The following RAD51B variants were observed in gnomAD, a reference collection of about 807,000 sequenced individuals.
RAD51B encodes the protein RAD51 paralog B.
A neutral mutation model predicts 42.2 loss-of-function variants in RAD51B; 38 were observed. That is an observed-to-expected ratio of 0.90 (90% CI 0.70 to 1.18). The LOEUF is 1.18. Ranked by LOEUF, RAD51B falls within the 50% of genes most tolerant of loss-of-function variation. RAD51B has a pLI of 0.00. For missense variants in RAD51B, 373 were observed against 400.7 expected (o/e 0.93, Z 0.59); for synonymous variants, 154 against 145.2 (o/e 1.06, Z -0.43).
intron 10 of RAD51B, among the ~76,000 whole-genome samples, chr14:68,477,405 T>C (rs1882737720): frequency 6.6e-6 from 1 of 152,118 alleles, no homozygotes; most frequent in Non-Finnish European, 1.5e-5. Flanking sequence ...TCCCACCCAG[T>C]GCAGCGACAC....
chr14:68,205,746 G>A (rs376121462), intron 7 of RAD51B, among the ~76,000 whole-genome samples: 6 of 151,542 alleles, frequency 4.0e-5, no homozygotes, highest in Admixed American at 6.6e-5. Flanking sequence ...TAATTTACTC[G>A]ATCTACATAT....
At chr14:67,966,058 C>T (rs1455116207) in intron 7 of RAD51B, among the ~76,000 whole-genome samples, 1 of 152,166 alleles carries the variant, frequency 6.6e-6, no homozygotes, top group Non-Finnish European at 1.5e-5. Context: ...TTAGCATTTA[C>T]TTTTATAGCT....
Position 67,865,096 on chromosome 14 carries a change from G to T in RAD51B, c.409G>T (p.Ala137Ser). The T allele has an allele frequency of 6.2e-7, 1 of 1,604,606 alleles. No individual in the cohort carries two copies. ...CACCAACATGGGAGGATTAGAAGGA[G>T]CTGTGGTGTACATTGACACAGAGTC... ...LPTNMGGLEG[A>S]VVYIDTESAF... is the part of the protein sequence containing the mutation. Residue 137 changes from alanine (A) to serine (S), a missense_variant, in exon 5 of 11, where the codon GCT becomes TCT. Transcript: ENST00000471583.
intron 10 of RAD51B, among the ~76,000 whole-genome samples, chr14:68,556,933 A>C (rs1888878313): frequency 6.6e-6 from 1 of 151,938 alleles, no homozygotes; most frequent in African/African-American, 2.4e-5. Flanking sequence ...CTCACACCTC[A>C]TTCCATGGCA....
chr14:67,823,472 T>A, intron 1 of RAD51B, 70 bp from the exon 2 acceptor site: 8 of 1,308,110 alleles, frequency 6.1e-6, no homozygotes, highest in Non-Finnish European at 8.7e-6. Context: ...TTGGATAGCC[T>A]ATTCACTATC....
At chr14:68,070,927 T>A (rs1487132512) in intron 7 of RAD51B, among the ~76,000 whole-genome samples, 1 of 152,208 alleles carries the variant, frequency 6.6e-6, no homozygotes, top group Non-Finnish European at 1.5e-5. Context: ...TGGAATGTTT[T>A]TCCATTTGTT....
chr14:68,489,567 C>G (rs1014063407), intron 10 of RAD51B, among the ~76,000 whole-genome samples: 4 of 152,144 alleles, frequency 2.6e-5, no homozygotes, highest in Non-Finnish European at 4.4e-5. Flanking sequence ...TTTTTTACCC[C>G]CTAAAGGCTT....
downstream of RAD51B, among the ~76,000 whole-genome samples, chr14:68,612,974 T>TG (rs1566955263): frequency 3.1e-3 from 474 of 151,918 alleles, 3 homozygotes; most frequent in African/African-American, 0.011. Flanking sequence ...AGAGGTGTGT[T>TG]TGTGTGTGTG....
intron 7 of RAD51B, among the ~76,000 whole-genome samples, chr14:68,037,285 G>A (rs1009289275): frequency 6.9e-5 from 10 of 145,830 alleles, no homozygotes; most frequent in Non-Finnish European, 9.0e-5. Context: ...GCAGTGGCAC[G>A]CTCTCGCTCA....
intron 11 of RAD51B, among the ~76,000 whole-genome samples, chr14:68,674,409 G>A (rs890951025): frequency 1.3e-5 from 2 of 151,856 alleles, no homozygotes; most frequent in Non-Finnish European, 2.9e-5. Flanking sequence ...GTATTCTAAT[G>A]TATCATACAT....
At chr14:68,401,709 C>A (rs368741973) in intron 8 of RAD51B, among the ~76,000 whole-genome samples, 28 of 152,232 alleles carry the variant, frequency 1.8e-4, no homozygotes, top group African/African-American at 6.5e-4. Context: ...CAAATGCCTT[C>A]CTCGGTGGGT....
chr14:67,966,448 T>C (rs368077564), intron 7 of RAD51B, among the ~76,000 whole-genome samples: 2 of 152,230 alleles, frequency 1.3e-5, no homozygotes, highest in Non-Finnish European at 2.9e-5. Flanking sequence ...AAAAAATTAG[T>C]TCTTACTATA....
intron 7 of RAD51B, among the ~76,000 whole-genome samples, chr14:68,151,840 T>C (rs1280201013): frequency 3.5e-5 from 4 of 113,448 alleles, no homozygotes; most frequent in African/African-American, 1.4e-4. Flanking sequence ...TTTTTTTTTT[T>C]TTTTTTTTTT....
chr14:67,858,867 A>T (rs140432741), intron 4 of RAD51B, among the ~76,000 whole-genome samples: 7 of 152,240 alleles, frequency 4.6e-5, no homozygotes, highest in Admixed American at 6.5e-5. Flanking sequence ...TTTTACTGAC[A>T]GAAGTTTCCC....
chr14:68,066,646 G>C (rs1160817642), intron 7 of RAD51B, among the ~76,000 whole-genome samples: 1 of 152,118 alleles, frequency 6.6e-6, no homozygotes, highest in African/African-American at 2.4e-5. Context: ...ATAAAGCTGG[G>C]CATGCTGGTA....
At chr14:68,215,085 C>T (rs1419311212) in intron 7 of RAD51B, among the ~76,000 whole-genome samples, 1 of 152,130 alleles carries the variant, frequency 6.6e-6, no homozygotes, top group Admixed American at 6.5e-5. Context: ...TCTCCATTGC[C>T]TCAAATGACA....
chr14:68,558,970 G>C (rs1056616974), intron 10 of RAD51B, among the ~76,000 whole-genome samples: 2 of 151,578 alleles, frequency 1.3e-5, no homozygotes, highest in African/African-American at 4.9e-5. Context: ...TATTCATATA[G>C]TGTCATATAC....
chr14:67,824,289 A>G (rs1019631232), intron 2 of RAD51B, among the ~76,000 whole-genome samples: 3 of 151,492 alleles, frequency 2.0e-5, no homozygotes, highest in Non-Finnish European at 4.4e-5. Context: ...TCAGTGTCTC[A>G]CTCTGTTGCC....
intron 8 of RAD51B, among the ~76,000 whole-genome samples, chr14:68,301,573 G>A (rs1031236935): frequency 2.9e-5 from 4 of 137,850 alleles, no homozygotes; most frequent in African/African-American, 1.1e-4. Context: ...AGAATGTGAG[G>A]TTTTTTTTTT....
Sources: gnomAD v4.1 joint callset for allele counts (sites outside exome capture counted in the v4.1 genomes callset) on GRCh38, gnomAD v4.1.1 for gene constraint, MANE v1.5 for transcripts, NCBI Gene and HGNC (gene_info 2026-07-23, HGNC 2026-07-21) for gene names.